The following PRKCA variants were observed in gnomAD, a reference collection of about 807,000 sequenced individuals.
PRKCA encodes protein kinase C alpha.
In PRKCA, 27 loss-of-function variants were observed where a neutral mutation model predicts 87.0. That is an observed-to-expected ratio of 0.31 (90% CI 0.23 to 0.43). PRKCA has a LOEUF of 0.43. Among genes scored for constraint, PRKCA ranks in the 20% least tolerant of loss-of-function variants. The probability of loss-of-function intolerance (pLI) is 1.00; values close to 1 mark genes in which losing one functional copy is unlikely to be tolerated. For synonymous variants in PRKCA, 329 were observed against 311.1 expected (o/e 1.06, Z -0.61); for missense variants, 518 against 852.3 (o/e 0.61, Z 4.88).
At chr17:66,451,923 C>T (rs1914343676) in intron 2 of PRKCA, among the ~76,000 whole-genome samples, 1 of 152,322 alleles carries the variant, frequency 6.6e-6, no homozygotes, top group Middle Eastern at 3.4e-3. Context: ...TGGCAAATCC[C>T]ATTTTGATTC....
At chr17:66,631,925 A>T (rs1971025709) in intron 3 of PRKCA, among the ~76,000 whole-genome samples, 1 of 152,250 alleles carries the variant, frequency 6.6e-6, no homozygotes. Flanking sequence ...AATGAATAAG[A>T]TATATTATGA....
chr17:66,662,561 A>G (rs1485139826), intron 5 of PRKCA, among the ~76,000 whole-genome samples: 1 of 152,116 alleles, frequency 6.6e-6, no homozygotes, highest in African/African-American at 2.4e-5. Flanking sequence ...GTTTTGGTGC[A>G]TGTGGTTGAC....
chr17:66,709,114 A>T (rs545366640), intron 8 of PRKCA, among the ~76,000 whole-genome samples: 1 of 152,204 alleles, frequency 6.6e-6, no homozygotes, highest in African/African-American at 2.4e-5. Context: ...GTTCAGGTTC[A>T]GGGCTGTGAT....
chr17:66,778,186 A>G (rs1975106699), intron 14 of PRKCA: 1 of 985,356 alleles, frequency 1.0e-6, no homozygotes, highest in East Asian at 1.1e-4. Flanking sequence ...AGCCTGCCTT[A>G]TATGCATACT....
Position 66,329,253 on chromosome 17 carries a change from C to T in PRKCA, c.205+23126C>T, listed in dbSNP as rs574441810. 4.0e-4 allele frequency among the ~76,000 whole-genome samples: 61 copies of T among 152,204 alleles called. 1 individual carries two copies. Among genetic ancestry groups the T allele is most frequent in the Middle Eastern group, 3.4e-3 (1 of 294 alleles). ...TATCAAAGGTCAGAGGACTGTGGTGCCATTCACTATTACGTAGCATGCTAG... is the reference window on the plus strand; with the variant it reads ...TATCAAAGGTCAGAGGACTGTGGTGTCATTCACTATTACGTAGCATGCTAG... On this transcript the variant is annotated intron_variant, in intron 2 of 16. Transcript: ENST00000413366.
chr17:66,726,218 G>A (rs1036688487), intron 8 of PRKCA, among the ~76,000 whole-genome samples: 2 of 151,858 alleles, frequency 1.3e-5, no homozygotes, highest in Non-Finnish European at 2.9e-5. Flanking sequence ...GTGTTCGCAG[G>A]TGTGCAGGAC....
chr17:66,447,597 G>A (rs1370988600), intron 2 of PRKCA, among the ~76,000 whole-genome samples: 1 of 152,210 alleles, frequency 6.6e-6, no homozygotes, highest in Non-Finnish European at 1.5e-5. Context: ...CGTTCATAAA[G>A]CACTGAATTT....
At chr17:66,743,190 G>A (rs1298068739) in intron 13 of PRKCA, among the ~76,000 whole-genome samples, 1 of 152,166 alleles carries the variant, frequency 6.6e-6, no homozygotes, top group Non-Finnish European at 1.5e-5. Flanking sequence ...GCCAGGGATG[G>A]TGGTGCACAC....
chr17:66,461,636 G>A (rs549409948), intron 2 of PRKCA, among the ~76,000 whole-genome samples: 1 of 152,172 alleles, frequency 6.6e-6, no homozygotes, highest in African/African-American at 2.4e-5. Context: ...TGGTAAAAAT[G>A]ATGTAACATT....
chr17:66,590,900 C>T (rs1411978457), intron 3 of PRKCA, among the ~76,000 whole-genome samples: 2 of 152,110 alleles, frequency 1.3e-5, no homozygotes, highest in East Asian at 3.9e-4. Context: ...CCTTCTGAAC[C>T]GGAGTGTGGA....
chr17:66,705,277 G>A (rs768715671), intron 8 of PRKCA, among the ~76,000 whole-genome samples: 1 of 152,188 alleles, frequency 6.6e-6, no homozygotes, highest in African/African-American at 2.4e-5. Context: ...AGACAGGTTA[G>A]TAGTAGAAAT....
intron 3 of PRKCA, among the ~76,000 whole-genome samples, chr17:66,559,665 A>G (rs1968623323): frequency 6.6e-6 from 1 of 152,092 alleles, no homozygotes; most frequent in Admixed American, 6.5e-5. Context: ...ATAAGTCTTC[A>G]TTAAGTCCTT....
At chr17:66,304,215 A>G (rs1216248122) in intron 1 of PRKCA, among the ~76,000 whole-genome samples, 1 of 152,102 alleles carries the variant, frequency 6.6e-6, no homozygotes, top group South Asian at 2.1e-4. Flanking sequence ...ACCCTGTAAA[A>G]CTGAGGGAAA....
intron 8 of PRKCA, among the ~76,000 whole-genome samples, chr17:66,719,690 C>A (rs1177437102): frequency 6.6e-6 from 1 of 152,224 alleles, no homozygotes; most frequent in Non-Finnish European, 1.5e-5. Flanking sequence ...TCGCTTGAAC[C>A]CAGGAGGCAG....
At chr17:66,446,193 G>A (rs997944615) in intron 2 of PRKCA, among the ~76,000 whole-genome samples, 2 of 152,014 alleles carry the variant, frequency 1.3e-5, no homozygotes, top group Non-Finnish European at 2.9e-5. Context: ...TGCCTCTGGG[G>A]AAGGTGCTGT....
At chr17:66,665,616 A>G (rs1972023942) in intron 5 of PRKCA, among the ~76,000 whole-genome samples, 1 of 152,134 alleles carries the variant, frequency 6.6e-6, no homozygotes. Context: ...GGAGTGGGGT[A>G]GAGTACTTCC....
chr17:66,465,432 C>T (rs1915043205), intron 2 of PRKCA, among the ~76,000 whole-genome samples: 1 of 152,006 alleles, frequency 6.6e-6, no homozygotes, highest in Non-Finnish European at 1.5e-5. Flanking sequence ...TACTCTCTTG[C>T]CCAGACTGGA....
chr17:66,404,742 CTT>C (rs773919783), intron 2 of PRKCA, among the ~76,000 whole-genome samples: 1,883 of 53,806 alleles, frequency 0.035, 7 homozygotes, highest in East Asian at 0.059. Context: ...GATGGTAGGC[CTT>C]TTTTTTTTTT....
At chr17:66,564,878 G>T (rs543555588) in intron 3 of PRKCA, among the ~76,000 whole-genome samples, 1 of 152,250 alleles carries the variant, frequency 6.6e-6, no homozygotes, top group South Asian at 2.1e-4. Context: ...TACTCAGGAG[G>T]CTGAGGCAGG....
Sources: gnomAD v4.1 joint callset for allele counts (sites outside exome capture counted in the v4.1 genomes callset) on GRCh38, gnomAD v4.1.1 for gene constraint, MANE v1.5 for transcripts, NCBI Gene and HGNC (gene_info 2026-07-23, HGNC 2026-07-21) for gene names.